The following CNOT6 variants were observed in gnomAD, a reference collection of about 807,000 sequenced individuals.
CNOT6 encodes the protein carbon catabolite repression 4 protein.
In CNOT6, 12 loss-of-function variants were observed where a neutral mutation model predicts 61.2. The ratio of observed to expected loss-of-function variants is 0.20; its 90% CI spans 0.13 to 0.32. CNOT6 has a LOEUF of 0.32. CNOT6 is among the 10% of genes least tolerant of loss of function. The pLI is 1.00. For synonymous variants in CNOT6, 225 were observed against 240.6 expected (o/e 0.94, Z 0.60); for missense variants, 405 against 663.9 (o/e 0.61, Z 4.28).
At chr5:180,559,391 G>C (rs942890972) in intron 4 of CNOT6, among the ~76,000 whole-genome samples, 1 of 152,016 alleles carries the variant, frequency 6.6e-6, no homozygotes, top group African/African-American at 2.4e-5. Flanking sequence ...TATTTCCTCT[G>C]ATGTCCACTT....
chr5:180,571,713 C>T (rs959820915), intron 11 of CNOT6, among the ~76,000 whole-genome samples: 3 of 152,000 alleles, frequency 2.0e-5, no homozygotes, highest in African/African-American at 7.3e-5. Flanking sequence ...CTACAGGCGC[C>T]TACTACCACG....
intron 9 of CNOT6, among the ~76,000 whole-genome samples, chr5:180,568,230 C>CTTT (rs10601026): frequency 4.2e-5 from 6 of 144,518 alleles, no homozygotes; most frequent in African/African-American, 1.0e-4. Context: ...ATTAAAAAAC[C>CTTT]TTTTTTTTTT....
rs545993229 is a variant in CNOT6, at chr5:180,497,856, C to T, written c.-3+3093C>T. ...GTTAGGAGTTCGAGACCAGCCTGAC[C>T]AAGATGGAGAAACCCTGTCTCTACT... On this transcript the variant is annotated intron_variant, in intron 1 of 11. Transcript: ENST00000261951. Among the ~76,000 whole-genome samples, 26 of 152,144 alleles carry T rather than the reference C, an allele frequency of 1.7e-4. No homozygotes were observed. In the South Asian group the frequency reaches 5.2e-3, roughly 30 times the overall value.
intron 1 of CNOT6, among the ~76,000 whole-genome samples, chr5:180,498,100 G>T (rs144323090): frequency 1.0e-3 from 155 of 152,156 alleles, no homozygotes; most frequent in Middle Eastern, 6.8e-3. Flanking sequence ...GCATAGCTGG[G>T]GTACATTAGA....
intron 1 of CNOT6, among the ~76,000 whole-genome samples, chr5:180,522,119 G>C (rs1403057081): frequency 6.6e-6 from 1 of 152,038 alleles, no homozygotes; most frequent in Middle Eastern, 3.2e-3. Flanking sequence ...TTATCTGTCT[G>C]TCTATGTATC....
chr5:180,527,502 A>C (rs1458858632), intron 1 of CNOT6, among the ~76,000 whole-genome samples: 2 of 152,186 alleles, frequency 1.3e-5, no homozygotes, highest in Non-Finnish European at 2.9e-5. Flanking sequence ...CTGTAGTATT[A>C]AATACGTTCA....
At chr5:180,567,392 G>GT in intron 8 of CNOT6, 150 bp downstream of exon 8, 1 of 700,244 alleles carries the variant, frequency 1.4e-6, no homozygotes, top group Non-Finnish European at 2.3e-6. Context: ...GTTTTTGTTT[G>GT]TTTTTAATCA....
intron 4 of CNOT6, among the ~76,000 whole-genome samples, chr5:180,560,044 G>A (rs1486706347): frequency 1.3e-5 from 2 of 151,708 alleles, no homozygotes; most frequent in Non-Finnish European, 2.9e-5. Context: ...CGCCTCCTGG[G>A]TTCAAACGAT....
intron 1 of CNOT6, among the ~76,000 whole-genome samples, chr5:180,494,971 C>T (rs978675815): frequency 8.0e-5 from 12 of 150,572 alleles, no homozygotes; most frequent in South Asian, 4.2e-4. Flanking sequence ...GGCCGAGTCC[C>T]TGGGAGGGGG....
At chr5:180,497,342 AG>A (rs1756658677) in intron 1 of CNOT6, among the ~76,000 whole-genome samples, 1 of 151,562 alleles carries the variant, frequency 6.6e-6, no homozygotes. Context: ...AAAAAAAAAA[AG>A]TATGCATTTT....
intron 11 of CNOT6, among the ~76,000 whole-genome samples, chr5:180,572,497 C>T (rs1212743885): frequency 5.3e-5 from 8 of 152,038 alleles, no homozygotes; most frequent in Admixed American, 5.2e-4. Flanking sequence ...GTCAGACTTA[C>T]ACCATTTTTA....
intron 2 of CNOT6, among the ~76,000 whole-genome samples, chr5:180,532,194 T>C (rs1235900994): frequency 6.6e-6 from 1 of 152,218 alleles, no homozygotes; most frequent in East Asian, 1.9e-4. Flanking sequence ...CACTCCTATT[T>C]TTCCCTTTTA....
At chr5:180,561,804 G>T (rs773297706) in intron 4 of CNOT6, among the ~76,000 whole-genome samples, 1 of 152,264 alleles carries the variant, frequency 6.6e-6, no homozygotes, top group East Asian at 1.9e-4. Flanking sequence ...CCTCTTTATT[G>T]CAGGGAGATG....
rs1270746655 is a variant in CNOT6 at position 180,494,421 on chromosome 5, G to GA, written c.-341dup. ...GCCATGATGCTTGTTTGCTTTCAAT[G>GA]AAAACGAGGGGGGCGCGGAGGAGGA... On this transcript the variant is annotated 5_prime_UTR_variant, in exon 1 of 12. The change abolishes the stop of an existing upstream ORF in the 5' untranslated region. Coordinates refer to ENST00000261951, the MANE Select transcript of CNOT6 (RefSeq NM_001370472.1). 1.3e-5 allele frequency: 2 copies of GA among 153,484 alleles called. No homozygotes were observed. Among genetic ancestry groups the GA allele is most frequent in the African/African-American group, 2.4e-5 (1 of 41,416 alleles). The allele number at this position is 153,484 out of a possible 1,614,324, so 9.5% of individuals were successfully genotyped here.
intron 1 of CNOT6, among the ~76,000 whole-genome samples, chr5:180,524,411 T>C (rs1307501637): frequency 2.6e-5 from 4 of 152,172 alleles, no homozygotes; most frequent in Non-Finnish European, 5.9e-5. Flanking sequence ...TCAGTGGGCA[T>C]ATGTCCAATT....
chr5:180,569,593 A>G (rs1760643832), intron 10 of CNOT6, among the ~76,000 whole-genome samples: 1 of 152,234 alleles, frequency 6.6e-6, no homozygotes, highest in African/African-American at 2.4e-5. Flanking sequence ...AACTCTTTAA[A>G]GAACGTATGT....
intron 2 of CNOT6, among the ~76,000 whole-genome samples, chr5:180,533,836 C>G (rs1758530745): frequency 6.6e-6 from 1 of 152,164 alleles, no homozygotes; most frequent in African/African-American, 2.4e-5. Flanking sequence ...AGAACCACCA[C>G]TCACACCAAG....
intron 1 of CNOT6, among the ~76,000 whole-genome samples, chr5:180,520,686 A>T (rs1757842961): frequency 6.6e-6 from 1 of 152,138 alleles, no homozygotes; most frequent in Non-Finnish European, 1.5e-5. Context: ...GGCAGGAAAC[A>T]AAGACATTTA....
At chr5:180,513,637 G>T (rs1325069694) in intron 1 of CNOT6, among the ~76,000 whole-genome samples, 2 of 151,936 alleles carry the variant, frequency 1.3e-5, no homozygotes, top group African/African-American at 4.8e-5. Context: ...CTCCCAAAGT[G>T]CTGGGATTAC....
Sources: gnomAD v4.1 joint callset for allele counts (sites outside exome capture counted in the v4.1 genomes callset) on GRCh38, gnomAD v4.1.1 for gene constraint, MANE v1.5 for transcripts, NCBI Gene and HGNC (gene_info 2026-07-23, HGNC 2026-07-21) for gene names.